The following TXNRD2 variants were observed in gnomAD, a reference collection of about 807,000 sequenced individuals.
The protein encoded by TXNRD2 is thioredoxin reductase 2, mitochondrial.
In TXNRD2, 67 loss-of-function variants were observed where a neutral mutation model predicts 70.8. The observed-to-expected ratio is 0.95, with a 90% CI of 0.78 to 1.16. TXNRD2 has a LOEUF of 1.16. TXNRD2 is among the 50% of genes most tolerant of loss of function. The probability of loss-of-function intolerance (pLI) is 0.00; values close to 1 mark genes in which losing one functional copy is unlikely to be tolerated. For synonymous variants in TXNRD2, 301 were observed against 295.8 expected, an observed-to-expected ratio of 1.02 and a Z score of -0.18; for missense variants, 644 against 719.9, an observed-to-expected ratio of 0.89 and a Z score of 1.21.
chr22:19,932,587 C>T (rs1163858365), intron 1 of TXNRD2: 7 of 1,446,558 alleles, frequency 4.8e-6, no homozygotes, highest in Admixed American at 2.4e-5. Flanking sequence ...CAACTCCCTG[C>T]TGAAGGAAGG....
intron 8 of TXNRD2, among the ~76,000 whole-genome samples, chr22:19,905,988 T>C (rs1183240183): frequency 6.7e-6 from 1 of 149,294 alleles, no homozygotes; most frequent in African/African-American, 2.5e-5. Context: ...AGCCACTAAG[T>C]GTAAAAGATT....
rs571085983 is a variant in TXNRD2 at position 19,941,787 on chromosome 22, A to G, written c.17T>C (p.Val6Ala). ...GCGCCCTCCTAATCCCCGCAGCGCC[A>G]CCGCCATTGCCGCCATCGTCGTGGG... is the stretch of plus-strand genomic sequence containing the variant. MAAMA[V>A]ALRGLGGRFR... Residue 6 changes from valine (V) to alanine (A), a missense_variant, in exon 1 of 18, where the codon GTG becomes GCG. Physicochemically the swap from Val to Ala is moderately conservative, Grantham distance 64. Coordinates refer to ENST00000400521, the MANE Select transcript of TXNRD2 (RefSeq NM_006440.5). The G allele has an allele frequency of 2.6e-6, 4 of 1,528,088 alleles. No homozygotes were observed. The highest frequency in any genetic ancestry group is 2.6e-6 in the Non-Finnish European group (3 of 1,147,958). The allele number at this position is 1,528,088 out of a possible 1,614,324, so 94.7% of individuals were successfully genotyped here.
chr22:19,902,691 C>A (rs952468805), intron 8 of TXNRD2, among the ~76,000 whole-genome samples: 1 of 152,212 alleles, frequency 6.6e-6, no homozygotes, highest in Non-Finnish European at 1.5e-5. Flanking sequence ...CACTGAAAGC[C>A]CTACCTTGTC....
intron 2 of TXNRD2, among the ~76,000 whole-genome samples, chr22:19,930,545 G>A (rs1941317500): frequency 6.6e-6 from 1 of 152,124 alleles, no homozygotes; most frequent in African/African-American, 2.4e-5. Flanking sequence ...TCACCCAGCA[G>A]AACTGACCAT....
intron 2 of TXNRD2, among the ~76,000 whole-genome samples, chr22:19,927,345 C>G (rs1005953827): frequency 6.6e-6 from 1 of 151,926 alleles, no homozygotes; most frequent in African/African-American, 2.4e-5. Flanking sequence ...AAATCTGTAA[C>G]CAAACTCGGA....
At chr22:19,923,544 T>G (rs1172763340) in intron 2 of TXNRD2, among the ~76,000 whole-genome samples, 1 of 152,126 alleles carries the variant, frequency 6.6e-6, no homozygotes, top group African/African-American at 2.4e-5. Context: ...CCCAGCATTT[T>G]GGGAGGCCGA....
Position 19,925,414 on chromosome 22 carries a change from A to G in TXNRD2, c.172+5616T>C, listed in dbSNP as rs531513768. Among the ~76,000 whole-genome samples, 13 of 152,134 alleles carry G rather than the reference A, an allele frequency of 8.5e-5. No individual in the cohort carries two copies. In the South Asian group the frequency reaches 2.7e-3, roughly 31 times the overall value. On this transcript the variant is annotated intron_variant, in intron 2 of 17. Coordinates refer to ENST00000400521, the MANE Select transcript of TXNRD2 (RefSeq NM_006440.5). ...ACAAGAAATGCTAAAGGATGCCCTT[A>G]AGGTAGAAGAAAAATACCAGATGGA...
intron 8 of TXNRD2, among the ~76,000 whole-genome samples, chr22:19,900,624 C>T (rs926005896): frequency 6.6e-6 from 1 of 152,144 alleles, no homozygotes; most frequent in African/African-American, 2.4e-5. Flanking sequence ...GCGATGTGCG[C>T]CTGTAGTCCC....
chr22:19,938,255 T>G (rs149615777), intron 1 of TXNRD2: 1 of 152,324 alleles, frequency 6.6e-6, no homozygotes, highest in Non-Finnish European at 1.5e-5. Context: ...GAGATTAAAC[T>G]TATGTAAACT....
At chr22:19,879,309 G>C (rs1025288791) in intron 14 of TXNRD2, among the ~76,000 whole-genome samples, 1 of 152,142 alleles carries the variant, frequency 6.6e-6, no homozygotes, top group African/African-American at 2.4e-5. Flanking sequence ...TGCAGGCTCC[G>C]GTTTCTCTGG....
chr22:19,902,234 C>T (rs1024946565), intron 8 of TXNRD2, among the ~76,000 whole-genome samples: 1 of 152,232 alleles, frequency 6.6e-6, no homozygotes, highest in Non-Finnish European at 1.5e-5. Context: ...GTGATCCCAG[C>T]AGCTCAGCTC....
At chr22:19,919,150 T>C in intron 3 of TXNRD2, 146 bp from the exon 4 acceptor site, 1 of 656,144 alleles carries the variant, frequency 1.5e-6, no homozygotes, top group Middle Eastern at 4.0e-4. Context: ...CTGCTCTCTA[T>C]AACTGTACTC....
rs114905700 is a variant in TXNRD2, at chr22:19,915,394, G to C, written c.529-118C>G. 5,184 of 1,061,480 alleles carry C rather than the reference G, an allele frequency of 4.9e-3. 176 individuals carry two copies. The African/African-American group carries it at 0.07, about 14-fold the overall frequency. 65.8% of individuals were successfully genotyped at this position (1,061,480 alleles called of 1,614,324 possible). On this transcript the variant is annotated intron_variant, in intron 6 of 17. Coordinates refer to ENST00000400521, the MANE Select transcript of TXNRD2 (RefSeq NM_006440.5). ...CCCACGGCCCCTGCCCTGTAGCGTG[G>C]ACCCTTGGCCAGCAGTTCAGAGGCC...
At chr22:19,934,162 T>C (rs1473626444) in intron 1 of TXNRD2, among the ~76,000 whole-genome samples, 2 of 152,152 alleles carry the variant, frequency 1.3e-5, no homozygotes, top group African/African-American at 4.8e-5. Flanking sequence ...GCAGGTGTTG[T>C]CATTCTGGCT....
rs141500917 is a variant in TXNRD2, at chr22:19,918,844, G to T, written c.374+16C>A. 7.0e-4 allele frequency: 1,117 copies of T among 1,604,568 alleles called. 5 individuals are homozygous for T. The South Asian group carries it at 7.2e-3, about 10-fold the overall frequency. On this transcript the variant is annotated intron_variant, in intron 4 of 17. Coordinates refer to ENST00000400521, the MANE Select transcript of TXNRD2 (RefSeq NM_006440.5). ...TAGAAGAAAAGCACTGGAATGCCAC[G>T]GCGCCAGATCCTTACCAGTCATGCG...
At chr22:19,886,106 C>A (rs184679741) in intron 11 of TXNRD2, among the ~76,000 whole-genome samples, 2 of 152,340 alleles carry the variant, frequency 1.3e-5, no homozygotes, top group Admixed American at 6.5e-5. Context: ...AGGGACTCCA[C>A]AGCCCTTCGG....
chr22:19,907,734 T>C (rs536489294), intron 8 of TXNRD2, among the ~76,000 whole-genome samples: 1 of 37,352 alleles, frequency 2.7e-5, no homozygotes, highest in African/African-American at 9.2e-5. Context: ...GGGCGCACCA[T>C]GGGTAGCAGC....
intron 2 of TXNRD2, among the ~76,000 whole-genome samples, chr22:19,925,962 T>C (rs556075061): frequency 6.7e-6 from 1 of 149,962 alleles, no homozygotes; most frequent in East Asian, 2.0e-4. Context: ...AGGTCAGGAG[T>C]TCAAGACCAG....
At chr22:19,937,388 T>A (rs1941569168) in intron 1 of TXNRD2, among the ~76,000 whole-genome samples, 1 of 152,200 alleles carries the variant, frequency 6.6e-6, no homozygotes, top group African/African-American at 2.4e-5. Context: ...TATATCTTGA[T>A]TTTTTAGCTA....
Sources: gnomAD v4.1 joint callset for allele counts (sites outside exome capture counted in the v4.1 genomes callset) on GRCh38, gnomAD v4.1.1 for gene constraint, MANE v1.5 for transcripts, NCBI Gene and HGNC (gene_info 2026-07-23, HGNC 2026-07-21) for gene names.